The following LTBP1 variants were observed in gnomAD, a reference collection of about 807,000 sequenced individuals.
LTBP1 encodes the protein latent-transforming growth factor beta-binding protein 1.
A neutral mutation model predicts 207.6 loss-of-function variants in LTBP1; 129 were observed. The ratio of observed to expected loss-of-function variants is 0.62; its 90% CI spans 0.54 to 0.72. The LOEUF is 0.72. Ranked by LOEUF, LTBP1 falls within the 30% of genes least tolerant of loss-of-function variation. LTBP1 has a pLI of 0.00. For missense variants in LTBP1, 2,281 were observed against 2,217.2 expected (o/e 1.03, Z -0.58); for synonymous variants, 963 against 833.7 (o/e 1.16, Z -2.67).
intron 5 of LTBP1, among the ~76,000 whole-genome samples, chr2:33,171,525 G>C (rs1472196820): frequency 6.6e-6 from 1 of 151,198 alleles, no homozygotes; most frequent in African/African-American, 2.4e-5. Flanking sequence ...CCAAATCTAC[G>C]TCTGATTGGT....
chr2:33,263,106 G>C (rs983758017), intron 14 of LTBP1, among the ~76,000 whole-genome samples, 188 bp from the exon 15 acceptor site: 14 of 151,798 alleles, frequency 9.2e-5, no homozygotes, highest in Non-Finnish European at 1.9e-4. Context: ...ATTTTTCTTG[G>C]CTTCCGCATC....
At chr2:33,325,351 C>T (rs1024176226) in intron 24 of LTBP1, among the ~76,000 whole-genome samples, 1 of 152,046 alleles carries the variant, frequency 6.6e-6, no homozygotes, top group Non-Finnish European at 1.5e-5. Context: ...AATTTTTTGG[C>T]TGATTTTATG....
chr2:33,156,153 G>T (rs1422713415), intron 5 of LTBP1, among the ~76,000 whole-genome samples: 1 of 152,198 alleles, frequency 6.6e-6, no homozygotes, highest in African/African-American at 2.4e-5. Flanking sequence ...TTTTAAAGGT[G>T]AGGAAACTAA....
intron 31 of LTBP1, among the ~76,000 whole-genome samples, chr2:33,382,705 A>G (rs1349267812): frequency 1.3e-5 from 2 of 152,212 alleles, no homozygotes; most frequent in East Asian, 3.9e-4. Context: ...ATAAATGGAG[A>G]AACTAAGGCT....
intron 5 of LTBP1, among the ~76,000 whole-genome samples, chr2:33,138,878 A>G (rs1171708955): frequency 5.9e-5 from 2 of 33,860 alleles, no homozygotes; most frequent in Non-Finnish European, 1.2e-4. Flanking sequence ...TTTTTTTTTG[A>G]GACGGAGTCT....
At chr2:33,164,981 C>A (rs1043696339) in intron 5 of LTBP1, among the ~76,000 whole-genome samples, 5 of 152,088 alleles carry the variant, frequency 3.3e-5, no homozygotes, top group Admixed American at 1.3e-4. Flanking sequence ...GCCTCAAAAT[C>A]GAAAGAAGGA....
At chr2:33,235,752 A>G (rs1272228227) in intron 9 of LTBP1, among the ~76,000 whole-genome samples, 2 of 152,242 alleles carry the variant, frequency 1.3e-5, no homozygotes, top group Non-Finnish European at 2.9e-5. Context: ...TGTCCTCTGC[A>G]GGGACATGGC....
intron 26 of LTBP1, among the ~76,000 whole-genome samples, chr2:33,357,984 A>G (rs1216701936): frequency 6.6e-6 from 1 of 152,210 alleles, no homozygotes; most frequent in Non-Finnish European, 1.5e-5. Context: ...ATTATCACAT[A>G]TTTACTGACC....
intron 2 of LTBP1, among the ~76,000 whole-genome samples, chr2:32,964,907 G>T (rs12470605): frequency 0.18 from 27,006 of 151,930 alleles, 2,598 homozygotes; most frequent in East Asian, 0.29. Flanking sequence ...GGGTGTGGTG[G>T]CGTGCACCTG....
chr2:33,150,710 C>CTTTTTTTTTTTTTTTTTTTTTTTTTTT (rs1176008947), intron 5 of LTBP1, among the ~76,000 whole-genome samples: 12 of 69,282 alleles, frequency 1.7e-4, no homozygotes, highest in East Asian at 4.3e-4. Context: ...TTTTCTTTTT[C>CTTTTTTTTTTTTTTTTTTTTTTTTTTT]TTTTTTTTTT....
rs537816691 is a variant in LTBP1, at chr2:33,206,687, C to T, written c.1702-10865C>T. On this transcript the variant is annotated intron_variant, in intron 7 of 33. Transcript: ENST00000404816. ...CTGGGAGGCGGAGCTTGCAGTGAGC[C>T]GAGATTGTGCCACTGCACTCCAGCC... Among the ~76,000 whole-genome samples the T allele has an allele frequency of 5.4e-5, 8 of 148,866 alleles. No individual in the cohort carries two copies. The East Asian group carries it at 9.8e-4, about 18-fold the overall frequency.
intron 2 of LTBP1, among the ~76,000 whole-genome samples, chr2:32,953,923 C>G (rs990666171): frequency 6.6e-6 from 1 of 152,188 alleles, no homozygotes; most frequent in African/African-American, 2.4e-5. Flanking sequence ...GGCTATGTCA[C>G]CACCCTTTTA....
intron 7 of LTBP1, among the ~76,000 whole-genome samples, chr2:33,198,489 G>A (rs1467933997): frequency 6.6e-6 from 1 of 152,106 alleles, no homozygotes; most frequent in East Asian, 1.9e-4. Context: ...GTTCCTCCTT[G>A]TACCTCTGGT....
intron 2 of LTBP1, among the ~76,000 whole-genome samples, chr2:33,016,368 G>A (rs951712357): frequency 6.6e-6 from 1 of 152,312 alleles, no homozygotes; most frequent in Middle Eastern, 3.4e-3. Context: ...AAAGAGTAGC[G>A]TTTTAGAAGA....
chr2:33,193,657 G>T (rs926580390), intron 7 of LTBP1, among the ~76,000 whole-genome samples: 1 of 152,128 alleles, frequency 6.6e-6, no homozygotes, highest in Admixed American at 6.5e-5. Flanking sequence ...TTGTGTCTCT[G>T]TCACATGTTG....
At chr2:33,099,955 A>G (rs997359758) in intron 3 of LTBP1, among the ~76,000 whole-genome samples, 1 of 152,210 alleles carries the variant, frequency 6.6e-6, no homozygotes, top group East Asian at 1.9e-4. Flanking sequence ...ACCAAAATCC[A>G]TGACTGTCTC....
intron 19 of LTBP1, among the ~76,000 whole-genome samples, chr2:33,286,648 A>G (rs931117405): frequency 6.6e-6 from 1 of 152,222 alleles, no homozygotes; most frequent in Non-Finnish European, 1.5e-5. Context: ...TCTATATGCC[A>G]GAGAAGATTG....
In LTBP1 at chr2:33,398,278, G is replaced by A. The variant is rs558384958; in HGVS notation, c.4985-86G>A. The A allele has an allele frequency of 2.4e-6, 3 of 1,276,016 alleles. No individual in the cohort carries two copies. In the East Asian group the frequency reaches 7.3e-5, roughly 31 times the overall value. The allele number at this position is 1,276,016 out of a possible 1,614,324, so 79.0% of individuals were successfully genotyped here. On this transcript the variant is annotated intron_variant, in intron 33 of 33. Transcript: ENST00000404816. ...AGAAAGCTTCCTTGGGGTGGTCGGG[G>A]GAAGGGCCTCAGGTAAGCCTCAGGT...
At chr2:32,972,767 C>T (rs1396371134) in intron 2 of LTBP1, among the ~76,000 whole-genome samples, 1 of 152,148 alleles carries the variant, frequency 6.6e-6, no homozygotes, top group Non-Finnish European at 1.5e-5. Flanking sequence ...TGCACACTTT[C>T]TCTCCTGCTG....
Sources: gnomAD v4.1 joint callset for allele counts (sites outside exome capture counted in the v4.1 genomes callset) on GRCh38, gnomAD v4.1.1 for gene constraint, MANE v1.5 for transcripts, NCBI Gene and HGNC (gene_info 2026-07-23, HGNC 2026-07-21) for gene names.